FGF14: variants seen among roughly 807,000 people sequenced by gnomAD.
FGF14 encodes the protein fibroblast growth factor homologous factor 4.
Under a neutral mutation model 25.5 loss-of-function variants are expected in FGF14, and 5 were observed. The ratio of observed to expected loss-of-function variants is 0.20; its 90% confidence interval spans 0.10 to 0.41. The LOEUF is 0.41. Ranked by LOEUF, FGF14 falls within the 10% of genes least tolerant of loss-of-function variation. The pLI, the probability that FGF14 is intolerant of heterozygous loss-of-function variation, is 1.00. For missense variants in FGF14, 222 were observed against 320.1 expected (o/e 0.69, Z 2.34); for synonymous variants, 138 against 118.3 (o/e 1.17, Z -1.08).
At chr13:101,862,711 TA>T (rs775897782) in intron 3 of FGF14, among the ~76,000 whole-genome samples, 8 of 152,100 alleles carry the variant, frequency 5.3e-5, no homozygotes, top group South Asian at 2.1e-4. Flanking sequence ...AAATTAGCAT[TA>T]GGGGGAAAAT....
intron 1 of FGF14, among the ~76,000 whole-genome samples, chr13:102,227,011 C>A (rs764397057): frequency 1.7e-4 from 26 of 152,070 alleles, no homozygotes; most frequent in Non-Finnish European, 2.4e-4. Flanking sequence ...CATTTAAGAG[C>A]CACTTTTCCT....
chr13:101,937,214 A>G (rs996896976), intron 1 of FGF14, among the ~76,000 whole-genome samples: 2 of 152,254 alleles, frequency 1.3e-5, no homozygotes, highest in Admixed American at 1.3e-4. Context: ...ACATATCAGA[A>G]TAATTCCCAG....
At chr13:101,990,568 C>T (rs1594922836) in intron 1 of FGF14, among the ~76,000 whole-genome samples, 1 of 151,886 alleles carries the variant, frequency 6.6e-6, no homozygotes. Flanking sequence ...GGATGATTGT[C>T]CTTGAGGGAG....
chr13:102,266,647 G>A (rs2053006454), intron 1 of FGF14, among the ~76,000 whole-genome samples: 1 of 152,010 alleles, frequency 6.6e-6, no homozygotes, highest in South Asian at 2.1e-4. Flanking sequence ...TGGATTCTGG[G>A]TAAAGAATTT....
intron 1 of FGF14, among the ~76,000 whole-genome samples, chr13:102,357,226 A>G (rs1352615979): frequency 1.3e-5 from 2 of 151,830 alleles, no homozygotes; most frequent in Non-Finnish European, 2.9e-5. Context: ...TAGGATGTAC[A>G]TTATACATCT....
Position 101,722,924 on chromosome 13 carries a change from C to A in FGF14, c.651G>T (p.Thr217=), listed in dbSNP as rs151325645. Residue 217 remains threonine, a synonymous_variant, in exon 5 of 5, where the codon ACG becomes ACT. Coordinates refer to ENST00000376143, the MANE Select transcript of FGF14 (RefSeq NM_004115.4). ...TTGGCGTCACCCCAGGCTTCGGGAC[C>A]GTTTCCCCAACATCATGCAAAGATG... The part of the protein sequence containing the change: ...REPSLHDVGE[T]VPKPGVTPSK... The A allele has an allele frequency of 1.9e-6, 3 of 1,613,216 alleles. No homozygotes were observed. Among genetic ancestry groups the A allele is most frequent in the Non-Finnish European group, 2.5e-6 (3 of 1,179,526 alleles).
chr13:101,851,994 C>T (rs1456186563), intron 3 of FGF14, among the ~76,000 whole-genome samples: 1 of 152,122 alleles, frequency 6.6e-6, no homozygotes, highest in African/African-American at 2.4e-5. Context: ...TCAGCCGTGC[C>T]TAGGGCTGGG....
intron 1 of FGF14, among the ~76,000 whole-genome samples, chr13:102,151,583 C>T (rs2047087879): frequency 6.6e-6 from 1 of 152,126 alleles, no homozygotes; most frequent in South Asian, 2.1e-4. Context: ...AATGCAACCT[C>T]CTCCTCCTGG....
chr13:102,371,005 T>G (rs992540976), intron 1 of FGF14, among the ~76,000 whole-genome samples: 2 of 152,072 alleles, frequency 1.3e-5, no homozygotes, highest in African/African-American at 4.8e-5. Flanking sequence ...TGTCTTGCAT[T>G]CAAGATCTCT....
At position 101,719,281 on chromosome 13, in the gene FGF14, T is replaced by G. The variant is rs1428467189; in HGVS notation, c.*3550A>C. Reference sequence around the variant, plus strand: ...AACTTTTAGTGCTTAAAGCATTAATTAAGCAAGTGGCTAGGTATGATAAAG... The same window carrying G: ...AACTTTTAGTGCTTAAAGCATTAATGAAGCAAGTGGCTAGGTATGATAAAG... On this transcript the variant is annotated 3_prime_UTR_variant, in exon 5 of 5. Transcript: ENST00000376143. 6.6e-6 allele frequency: 1 copy of G among 152,106 alleles called. No individual in the cohort carries two copies. Among genetic ancestry groups the G allele is most frequent in the Non-Finnish European group, 1.5e-5 (1 of 67,998 alleles). The allele number at this position is 152,106 out of a possible 1,614,324, so 9.4% of individuals were successfully genotyped here.
intron 1 of FGF14, among the ~76,000 whole-genome samples, chr13:102,261,535 C>T (rs144727977): frequency 6.6e-6 from 1 of 152,274 alleles, no homozygotes; most frequent in East Asian, 1.9e-4. Flanking sequence ...CAAAATAACC[C>T]GTTATACTAC....
rs572820159 is a variant in FGF14 at position 101,758,816 on chromosome 13, A to T, written c.409-32006T>A. Reference sequence around the variant, plus strand: ...TGTATCTGGGCCCCATGAATTTCAAATCAGCAGTTCTGGGTTGAGGGATGA... The same window carrying T: ...TGTATCTGGGCCCCATGAATTTCAATTCAGCAGTTCTGGGTTGAGGGATGA... On this transcript the variant is annotated intron_variant, in intron 3 of 4. Coordinates refer to ENST00000376143, the MANE Select transcript of FGF14 (RefSeq NM_004115.4). Among the ~76,000 whole-genome samples the T allele has an allele frequency of 4.5e-4, 68 of 152,266 alleles. 1 individual carries two copies. The highest frequency in any genetic ancestry group is 1.5e-3 in the African/African-American group (64 of 41,564).
At chr13:101,865,255 A>G (rs1481175953) in intron 3 of FGF14, among the ~76,000 whole-genome samples, 1 of 152,154 alleles carries the variant, frequency 6.6e-6, no homozygotes, top group Non-Finnish European at 1.5e-5. Context: ...TTAGTCTTTC[A>G]AAGTCACAGG....
At chr13:101,788,903 TATATATAG>T (rs1395800512) in intron 3 of FGF14, among the ~76,000 whole-genome samples, 259 of 35,596 alleles carry the variant, frequency 7.3e-3, no homozygotes, top group Middle Eastern at 0.014. Flanking sequence ...TATATATATA[TATATATAG>T]AGAGAGAGAG....
intron 1 of FGF14, among the ~76,000 whole-genome samples, chr13:102,184,144 A>T (rs2140771737): frequency 6.6e-6 from 1 of 152,290 alleles, no homozygotes; most frequent in African/African-American, 2.4e-5. Flanking sequence ...GCTGTGGGTA[A>T]GAGAAGGTGG....
intron 3 of FGF14, among the ~76,000 whole-genome samples, chr13:101,793,177 T>G (rs115799200): frequency 6.6e-6 from 1 of 152,080 alleles, no homozygotes; most frequent in Non-Finnish European, 1.5e-5. Flanking sequence ...CCCCATTCCT[T>G]CCACCCCCCA....
At chr13:101,831,978 C>G (rs902644457) in intron 3 of FGF14, among the ~76,000 whole-genome samples, 19 of 152,006 alleles carry the variant, frequency 1.2e-4, no homozygotes, top group African/African-American at 3.4e-4. Context: ...GGTCTTAATC[C>G]CTGGAACCAG....
At chr13:102,181,998 T>C (rs2048694680) in intron 1 of FGF14, among the ~76,000 whole-genome samples, 1 of 152,148 alleles carries the variant, frequency 6.6e-6, no homozygotes, top group African/African-American at 2.4e-5. Context: ...AAAACGTTTT[T>C]AAATAATTGC....
chr13:102,084,989 C>G (rs116033424), intron 1 of FGF14, among the ~76,000 whole-genome samples: 3,354 of 152,262 alleles, frequency 0.022, 136 homozygotes, highest in African/African-American at 0.077. Context: ...CAACTCCCAG[C>G]AGTTATCATT....
Sources: gnomAD v4.1 joint callset for allele counts (sites outside exome capture counted in the v4.1 genomes callset) on GRCh38, gnomAD v4.1.1 for gene constraint, MANE v1.5 for transcripts, NCBI Gene and HGNC (gene_info 2026-07-23, HGNC 2026-07-21) for gene names.